The following SCHIP1 variants were observed in gnomAD, a reference collection of about 807,000 sequenced individuals.
SCHIP1 encodes the protein schwannomin interacting protein 1.
In SCHIP1, 8 loss-of-function variants were observed where a neutral mutation model predicts 29.7. The observed-to-expected ratio is 0.27, with a 90% CI of 0.16 to 0.49. SCHIP1 has a LOEUF of 0.49. Among genes scored for constraint, SCHIP1 ranks in the 20% least tolerant of loss-of-function variants. The pLI, the probability that SCHIP1 is intolerant of heterozygous loss-of-function variation, is 0.99. For synonymous variants in SCHIP1, 76 were observed against 94.9 expected, an observed-to-expected ratio of 0.80 and a Z score of 1.16; for missense variants, 193 against 294.6, an observed-to-expected ratio of 0.66 and a Z score of 2.52.
the SCHIP1 span, among the ~76,000 whole-genome samples, chr3:159,560,531 C>T: frequency 0.34 from 52,111 of 151,986 alleles, 11,913 homozygotes; most frequent in African/African-American, 0.64. Context: ...ATTCTTCCTC[C>T]TTATCCCACT....
the SCHIP1 span, among the ~76,000 whole-genome samples, chr3:159,829,567 G>A: frequency 6.6e-6 from 1 of 152,184 alleles, no homozygotes; most frequent in Admixed American, 6.6e-5. Context: ...TCTGTGCAAA[G>A]TATTTCTCTC....
chr3:159,432,050 C>T, the SCHIP1 span, among the ~76,000 whole-genome samples: 1 of 151,918 alleles, frequency 6.6e-6, no homozygotes, highest in Non-Finnish European at 1.5e-5. Flanking sequence ...GGGTCAGGAA[C>T]CTAGAAGTAG....
chr3:159,484,197 G>A, the SCHIP1 span, among the ~76,000 whole-genome samples: 2 of 152,160 alleles, frequency 1.3e-5, no homozygotes, highest in Non-Finnish European at 2.9e-5. Flanking sequence ...ATGGTAGCTG[G>A]TAAACCAGAA....
At chr3:159,782,260 A>G in the SCHIP1 span, among the ~76,000 whole-genome samples, 1 of 152,220 alleles carries the variant, frequency 6.6e-6, no homozygotes, top group African/African-American at 2.4e-5. Flanking sequence ...GGGCAGGTGA[A>G]TACTATTCAT....
the SCHIP1 span, among the ~76,000 whole-genome samples, chr3:159,329,630 A>T: frequency 1.2e-4 from 19 of 152,164 alleles, no homozygotes; most frequent in African/African-American, 4.6e-4. Flanking sequence ...CTATTTATCG[A>T]CATAAAAAGC....
the SCHIP1 span, among the ~76,000 whole-genome samples, chr3:159,400,681 C>T: frequency 6.6e-6 from 1 of 152,182 alleles, no homozygotes; most frequent in Admixed American, 6.5e-5. Flanking sequence ...GTTCCTCCAG[C>T]CTCTGAATAA....
chr3:159,282,383 T>C, the SCHIP1 span, among the ~76,000 whole-genome samples: 1 of 151,920 alleles, frequency 6.6e-6, no homozygotes, highest in African/African-American at 2.4e-5. Flanking sequence ...TGAGATTTTA[T>C]GTGTTAAATA....
chr3:159,453,974 T>C, the SCHIP1 span, among the ~76,000 whole-genome samples: 5 of 152,216 alleles, frequency 3.3e-5, no homozygotes, highest in East Asian at 9.6e-4. Context: ...CACCATCCTG[T>C]GTCTAAGCCC....
At chr3:159,794,390 A>G in the SCHIP1 span, among the ~76,000 whole-genome samples, 28 of 152,346 alleles carry the variant, frequency 1.8e-4, no homozygotes, top group South Asian at 5.8e-3. Context: ...AGTGGATTGC[A>G]TAACAGTTGG....
chr3:159,672,912 AGTG>A, the SCHIP1 span, among the ~76,000 whole-genome samples: 1 of 152,216 alleles, frequency 6.6e-6, no homozygotes, highest in Non-Finnish European at 1.5e-5. Flanking sequence ...TAGTAATAGA[AGTG>A]GTGGTGGCGA....
chr3:159,635,920 C>T, the SCHIP1 span, among the ~76,000 whole-genome samples: 1,262 of 152,126 alleles, frequency 8.3e-3, 22 homozygotes, highest in African/African-American at 0.029. Flanking sequence ...GGAAAGTATA[C>T]GCCTTGTACT....
chr3:159,314,451 A>G, the SCHIP1 span, among the ~76,000 whole-genome samples: 1 of 152,218 alleles, frequency 6.6e-6, no homozygotes, highest in Non-Finnish European at 1.5e-5. Flanking sequence ...CTTTGGAATC[A>G]GTATGTGACT....
At chr3:159,542,628 A>C in the SCHIP1 span, among the ~76,000 whole-genome samples, 1 of 152,084 alleles carries the variant, frequency 6.6e-6, no homozygotes, top group Admixed American at 6.6e-5. Context: ...TGTTGAAAGG[A>C]GTCTAGGAAC....
At chr3:159,385,575 CAAAAA>C in the SCHIP1 span, among the ~76,000 whole-genome samples, 28 of 133,134 alleles carry the variant, frequency 2.1e-4, no homozygotes, top group East Asian at 6.8e-4. Context: ...AACAAACAAA[CAAAAA>C]AAAAAAAACC....
At chr3:159,519,873 A>C in the SCHIP1 span, among the ~76,000 whole-genome samples, 1 of 138,578 alleles carries the variant, frequency 7.2e-6, no homozygotes, top group African/African-American at 2.8e-5. Flanking sequence ...AAAAAAAAAT[A>C]TATATATATA....
At chr3:159,282,299 T>C in the SCHIP1 span, among the ~76,000 whole-genome samples, 2 of 152,076 alleles carry the variant, frequency 1.3e-5, no homozygotes, top group African/African-American at 4.8e-5. Context: ...AATTTCTTTT[T>C]TAGTTGTTGA....
chr3:159,300,736 G>A, the SCHIP1 span, among the ~76,000 whole-genome samples: 49 of 152,232 alleles, frequency 3.2e-4, 1 homozygote, highest in African/African-American at 1.2e-3. Context: ...AATGCCCTAT[G>A]GTTCCCTTCC....
chr3:159,391,446 G>C, the SCHIP1 span, among the ~76,000 whole-genome samples: 1 of 152,024 alleles, frequency 6.6e-6, no homozygotes, highest in Non-Finnish European at 1.5e-5. Flanking sequence ...CTAAAAATAT[G>C]ATATATTCTC....
chr3:159,427,691 C>T, the SCHIP1 span, among the ~76,000 whole-genome samples: 1 of 151,520 alleles, frequency 6.6e-6, no homozygotes, highest in East Asian at 1.9e-4. Flanking sequence ...TTGGAAAAAA[C>T]TACTTTAAAG....
Sources: allele counts gnomAD v4.1 joint callset (sites outside exome capture counted in the v4.1 genomes callset), GRCh38; gene constraint gnomAD v4.1.1; transcripts MANE v1.5; gene names NCBI Gene and HGNC (gene_info 2026-07-23, HGNC 2026-07-21).